Variants in ANAPC1 observed in about 807,000 individuals in gnomAD.
The protein encoded by ANAPC1 is anaphase promoting complex subunit 1, also known as anaphase-promoting complex subunit 1.
ANAPC1 carries 36 observed loss-of-function variants against 208.0 expected under a neutral mutation model. The ratio of observed to expected loss-of-function variants is 0.17; its 90% CI spans 0.13 to 0.23. The LOEUF (loss-of-function observed/expected upper bound fraction) is 0.23. Among genes scored for constraint, ANAPC1 ranks in the 10% least tolerant of loss-of-function variants. The probability of loss-of-function intolerance (pLI) is 1.00; values close to 1 mark genes in which losing one functional copy is unlikely to be tolerated. For missense variants in ANAPC1, 942 were observed against 2,011.6 expected (o/e 0.47, Z 10.17); for synonymous variants, 378 against 695.2 (o/e 0.54, Z 7.18).
At chr2:111,767,121 T>G (rs1342829788), downstream of ANAPC1, 1 of 376,122 alleles carries the variant, frequency 2.7e-6, no homozygotes, top group Non-Finnish European at 5.4e-6. Context: ...TCTATCTATC[T>G]AAGTAGAAAA....
intron 45 of ANAPC1, among the ~76,000 whole-genome samples, chr2:111,777,896 C>T (rs1188936347): frequency 1.3e-5 from 2 of 152,288 alleles, no homozygotes; most frequent in Non-Finnish European, 2.9e-5. Flanking sequence ...TGTGAACTTA[C>T]TATATTCACT....
intron 47 of ANAPC1, chr2:111,770,969 T>C (rs1386045430): frequency 6.5e-6 from 1 of 154,166 alleles, no homozygotes; most frequent in African/African-American, 2.4e-5. Context: ...AGACTAAAAA[T>C]TGCGGGGGCT....
intron 7 of ANAPC1, among the ~76,000 whole-genome samples, chr2:111,867,014 G>A (rs537572409): frequency 9.5e-4 from 145 of 152,082 alleles, no homozygotes; most frequent in African/African-American, 3.4e-3. Context: ...TTCTTATGTT[G>A]GGTGCGGTGG....
At chr2:111,788,109 A>G (rs1677664124) in intron 39 of ANAPC1, 125 bp downstream of exon 39, 7 of 1,430,358 alleles carry the variant, frequency 4.9e-6, no homozygotes, top group East Asian at 5.3e-5. Context: ...AGCCAGGAAT[A>G]TAACTAAGTT....
At chr2:111,840,022 T>C (rs1414295856) in intron 17 of ANAPC1, among the ~76,000 whole-genome samples, 1 of 152,162 alleles carries the variant, frequency 6.6e-6, no homozygotes, top group African/African-American at 2.4e-5. Flanking sequence ...ACAATCTGTT[T>C]TGTCTGGGGT....
chr2:111,864,434 T>C (rs937354864), intron 8 of ANAPC1, among the ~76,000 whole-genome samples: 2 of 138,836 alleles, frequency 1.4e-5, no homozygotes, highest in Admixed American at 7.6e-5. Flanking sequence ...GGGTATGAAG[T>C]ATTAACTACT....
Position 111,879,074 on chromosome 2 carries a change from C to T in ANAPC1, c.214-103G>A, listed in dbSNP as rs1236910432. 6 of 926,098 alleles carry T rather than the reference C, an allele frequency of 6.5e-6. No homozygotes were observed. In the East Asian group the frequency reaches 1.0e-4, roughly 16 times the overall value. 57.4% of individuals were successfully genotyped at this position (926,098 alleles called of 1,614,324 possible). On this transcript the variant is annotated intron_variant, in intron 2 of 47. Transcript: ENST00000341068. Reference sequence around the variant, plus strand: ...CCCATGGAGTAAGACTCAATTCAAACACAACTCCTACAAAGTTTGGTACAC... The same window carrying T: ...CCCATGGAGTAAGACTCAATTCAAATACAACTCCTACAAAGTTTGGTACAC...
intron 15 of ANAPC1, 150 bp downstream of exon 15, chr2:111,847,575 T>C (rs1379080916): frequency 1.7e-6 from 2 of 1,174,996 alleles, no homozygotes; most frequent in Non-Finnish European, 1.1e-6. Flanking sequence ...TACTGTATAG[T>C]AAAAAGTAAA....
At chr2:111,863,352 C>CAA (rs75401538) in intron 9 of ANAPC1, among the ~76,000 whole-genome samples, 4 of 127,784 alleles carry the variant, frequency 3.1e-5, no homozygotes, top group Admixed American at 1.6e-4. Context: ...ACTAAAAATA[C>CAA]AAAAAAAAAA....
intron 39 of ANAPC1, among the ~76,000 whole-genome samples, chr2:111,787,529 C>G (rs1368321057): frequency 6.6e-6 from 1 of 152,144 alleles, no homozygotes; most frequent in African/African-American, 2.4e-5. Context: ...TGACCTGTCT[C>G]TGGGGAGACA....
chr2:111,772,553 C>A, intron 46 of ANAPC1, 78 bp from the exon 47 acceptor site: 1 of 603,746 alleles, frequency 1.7e-6, no homozygotes, highest in East Asian at 3.2e-5. Flanking sequence ...ATTACTTTTT[C>A]ATCAAGAACT....
intron 3 of ANAPC1, 139 bp downstream of exon 3, chr2:111,878,671 A>C (rs765570866): frequency 1.5e-6 from 2 of 1,312,070 alleles, no homozygotes; most frequent in Non-Finnish European, 2.1e-6. Context: ...TCTTCACATT[A>C]TATTATGTCA....
intron 1 of ANAPC1, among the ~76,000 whole-genome samples, chr2:111,883,371 G>C (rs923209742): frequency 6.6e-6 from 1 of 151,882 alleles, no homozygotes; most frequent in Non-Finnish European, 1.5e-5. Flanking sequence ...TTATCATTTT[G>C]TACCGATTAA....
At chr2:111,777,410 T>A (rs1159847994) in intron 45 of ANAPC1, among the ~76,000 whole-genome samples, 1 of 150,934 alleles carries the variant, frequency 6.6e-6, no homozygotes, top group Non-Finnish European at 1.5e-5. Flanking sequence ...TCCCAGGGGG[T>A]AGAGGGCAAG....
chr2:111,787,722 A>G (rs537560483), intron 39 of ANAPC1, among the ~76,000 whole-genome samples: 2 of 151,832 alleles, frequency 1.3e-5, no homozygotes, highest in South Asian at 2.1e-4. Context: ...TTGAAGTTCT[A>G]CCACTCACTG....
intron 17 of ANAPC1, among the ~76,000 whole-genome samples, chr2:111,839,598 A>G (rs1158705350): frequency 6.6e-6 from 1 of 152,262 alleles, no homozygotes; most frequent in Non-Finnish European, 1.5e-5. Flanking sequence ...TTAAAACTGA[A>G]TGTTATTGAG....
At chr2:111,862,805 T>C (rs940169521) in intron 9 of ANAPC1, among the ~76,000 whole-genome samples, 55 of 152,086 alleles carry the variant, frequency 3.6e-4, no homozygotes, top group African/African-American at 1.3e-3. Context: ...TTTAGAATTA[T>C]TATTAGAAGA....
At chr2:111,848,528 G>A (rs562940329) in intron 14 of ANAPC1, among the ~76,000 whole-genome samples, 3 of 152,196 alleles carry the variant, frequency 2.0e-5, no homozygotes, top group African/African-American at 7.2e-5. Flanking sequence ...TATAATCCCA[G>A]CACCTTGGGA....
chr2:111,788,134 T>C, intron 39 of ANAPC1, 100 bp downstream of exon 39: 2 of 1,507,808 alleles, frequency 1.3e-6, no homozygotes, highest in East Asian at 2.5e-5. Context: ...AACAAAACAA[T>C]GCTAATTTGG....
Sources: gnomAD v4.1 joint callset for allele counts (sites outside exome capture counted in the v4.1 genomes callset) on GRCh38, gnomAD v4.1.1 for gene constraint, MANE v1.5 for transcripts, NCBI Gene and HGNC (gene_info 2026-07-23, HGNC 2026-07-21) for gene names.